The following SALL1 variants were observed in gnomAD, a reference collection of about 807,000 sequenced individuals.
SALL1 encodes spalt like transcription factor 1, also known as sal-like protein 1.
Under a neutral mutation model 73.1 loss-of-function variants are expected in SALL1, and 10 were observed. The observed-to-expected ratio is 0.14, with a 90% CI of 0.08 to 0.23. The LOEUF is 0.23. Ranked by LOEUF, SALL1 falls within the 10% of genes least tolerant of loss-of-function variation. The probability of loss-of-function intolerance (pLI) is 1.00; values close to 1 mark genes in which losing one functional copy is unlikely to be tolerated. For missense variants in SALL1, 1,520 were observed against 1,697.3 expected (o/e 0.90, Z 1.84); for synonymous variants, 688 against 689.8 (o/e 1.00, Z 0.04).
At position 51,137,421 on chromosome 16, in the gene SALL1, C is replaced by G; in HGVS notation, c.3666G>C (p.Ala1222=). Residue 1222 remains alanine, a synonymous_variant, in exon 3 of 3, where the codon GCG becomes GCC. Coordinates refer to ENST00000251020, the MANE Select transcript of SALL1 (RefSeq NM_002968.3). Reference sequence around the variant, plus strand: ...AAGGATCCCCACTTCCTGATCTTGCCGCCAAATCCTTCTGGAACATTTCTG... The same window carrying G: ...AAGGATCCCCACTTCCTGATCTTGCGGCCAAATCCTTCTGGAACATTTCTG... ...KFPEMFQKDL[A]ARSGSGDPSS... 1.9e-6 allele frequency: 3 copies of G among 1,614,104 alleles called. No individual in the cohort carries two copies. Among genetic ancestry groups the G allele is most frequent in the South Asian group, 1.1e-5 (1 of 91,078 alleles).
rs1567316520 is a variant in SALL1, at chr16:51,141,749, CTGCTGCT to C, written c.466_472del (p.Ser156AlafsTer25). On this transcript the variant is annotated frameshift_variant, in exon 2 of 3. Transcript: ENST00000251020. LOFTEE classifies it high-confidence loss of function. This position sits in a 1 kb window ranked among gnomAD's most constrained non-coding sequence, Gnocchi z 5.4. Reference sequence around the variant, plus strand: ...GGAGGAGCTGCCGCCGCCGCCGCTGCTGCTGCTGCTGCTGCTGCTGCTGCTTGGGGCG... The same window carrying C: ...GGAGGAGCTGCCGCCGCCGCCGCTGCGCTGCTGCTGCTGCTGCTTGGGGCG... 2.1e-5 allele frequency: 33 copies of C among 1,587,438 alleles called. No homozygotes were observed. Among genetic ancestry groups the C allele is most frequent in the Non-Finnish European group, 2.9e-5 (33 of 1,157,454 alleles).
chr16:51,141,992 T>G lies in SALL1; in HGVS notation c.230A>C (p.Asn77Thr). 6.2e-7 allele frequency: 1 copy of G among 1,614,018 alleles called. No homozygotes were observed. Among genetic ancestry groups the G allele is most frequent in the Non-Finnish European group, 8.5e-7 (1 of 1,180,028 alleles). Residue 77 changes from asparagine (N) to threonine (T), a missense_variant, in exon 2 of 3, where the codon AAT becomes ACT. By Grantham distance (65) the Asn-to-Thr change is moderately conservative. Coordinates refer to ENST00000251020, the MANE Select transcript of SALL1 (RefSeq NM_002968.3). This position sits in a 1 kb window ranked among gnomAD's most constrained non-coding sequence, Gnocchi z 5.4. The part of the protein sequence containing the change: ...KNQLVLIVNE[N>T]PASPPETFSP... ...GAAGGTTTCGGGTGGGGAGGCTGGA[T>G]TTTCATTTACGATTAAAACTAATTG...
chr16:51,137,052 A>C lies in SALL1; in HGVS notation c.*60T>G. ...GGCGGGGTGGGGGGCAAGGAGTAGG[A>C]GGCCACCATAGGTCGCATTCTGAAC... On this transcript the variant is annotated 3_prime_UTR_variant, in exon 3 of 3. Coordinates refer to ENST00000251020, the MANE Select transcript of SALL1 (RefSeq NM_002968.3). 1 of 1,539,488 alleles carries C rather than the reference A, an allele frequency of 6.5e-7. No individual in the cohort carries two copies. Among genetic ancestry groups the C allele is most frequent in the Non-Finnish European group, 8.9e-7 (1 of 1,117,542 alleles).
rs1962321396 is a variant in SALL1 at position 51,137,272 on chromosome 16, C to G, written c.3815G>C (p.Ser1272Thr). ...PIPGSLGSGN[S>T]SPVSGLTGNL... ...TCCCGTCAGCCCACTAACAGGTGAG[C>G]TGTTCCCACTGCCGAGGCTTCCAGG... Residue 1272 changes from serine (S) to threonine (T), a missense_variant, in exon 3 of 3, where the codon AGC becomes ACC. Physicochemically the swap from Ser to Thr is moderately conservative, Grantham distance 58. Transcript: ENST00000251020. 1.2e-6 allele frequency: 2 copies of G among 1,614,124 alleles called. No homozygotes were observed. The highest frequency in any genetic ancestry group is 1.7e-6 in the Non-Finnish European group (2 of 1,180,026).
Position 51,140,943 on chromosome 16 carries a change from T to C in SALL1, c.1279A>G (p.Lys427Glu). ...GCAGTGACATTTGGTGGCTTGCTTT[T>C]TCTTTGCTGGGCCAAGGCAGACAAG... ...NSLSALAQQR[K>E]SKPPNVTAFE... Residue 427 changes from lysine (K) to glutamate (E), a missense_variant, in exon 2 of 3, where the codon AAA (lysine) becomes GAA (glutamate). By Grantham distance (56) the Lys-to-Glu change is moderately conservative. This residue lies in a region of SALL1 where 540 missense variants were observed against 567.5 expected (regional missense o/e 0.95). Coordinates refer to ENST00000251020, the MANE Select transcript of SALL1 (RefSeq NM_002968.3). The surrounding 1 kb of genome is among the most constrained non-coding windows in gnomAD (Gnocchi z 5.7). 6.2e-7 allele frequency: 1 copy of C among 1,614,248 alleles called. No individual in the cohort carries two copies. The highest frequency in any genetic ancestry group is 8.5e-7 in the Non-Finnish European group (1 of 1,180,050).
At chr16:51,142,731 C>T (rs1024678633) in intron 1 of SALL1, among the ~76,000 whole-genome samples, 2 of 152,180 alleles carry the variant, frequency 1.3e-5, no homozygotes, top group African/African-American at 4.8e-5. Context: ...GACAAACGCA[C>T]TTTAGTCACA....
In SALL1 at chr16:51,140,317, C is replaced by T. The variant is rs781104798; in HGVS notation, c.1905G>A (p.Pro635=). 6.8e-6 allele frequency: 11 copies of T among 1,614,092 alleles called. No individual in the cohort carries two copies. Among genetic ancestry groups the T allele is most frequent in the South Asian group, 3.3e-5 (3 of 91,078 alleles). ...AGCTCAGGACGCTACTGCTCGCCGT[C>T]GGGACTGAGTTGGTGACCATGCCAC... ...EESGMVTNSV[P]TASSSVLSSP... Residue 635 remains proline, a synonymous_variant, in exon 2 of 3, where the codon CCG becomes CCA. Coordinates refer to ENST00000251020, the MANE Select transcript of SALL1 (RefSeq NM_002968.3). This position sits in a 1 kb window ranked among gnomAD's most constrained non-coding sequence, Gnocchi z 5.7.
chr16:51,140,934 G>A lies in SALL1; in HGVS notation c.1288C>T (p.Pro430Ser), dbSNP rs751695425. The A allele has an allele frequency of 1.2e-6, 2 of 1,614,250 alleles. No homozygotes were observed. Among genetic ancestry groups the A allele is most frequent in the Non-Finnish European group, 1.7e-6 (2 of 1,180,052 alleles). The part of the protein sequence containing the change: ...SALAQQRKSK[P>S]PNVTAFEAKS... ...GCTTCAAAGGCAGTGACATTTGGTG[G>A]CTTGCTTTTTCTTTGCTGGGCCAAG... The change falls in exon 2 of 3, where the codon CCA becomes TCA. Residue 430 changes from proline (P) to serine (S), a missense_variant. Around this residue, in one of 7 missense-constraint regions of SALL1, gnomAD observed 540 missense variants for 567.5 expected, o/e 0.95. Coordinates refer to ENST00000251020, the MANE Select transcript of SALL1 (RefSeq NM_002968.3). This position sits in a 1 kb window ranked among gnomAD's most constrained non-coding sequence, Gnocchi z 5.7.
intron 2 of SALL1, 45 bp from the exon 3 acceptor site, chr16:51,137,597 A>AG (rs767839010): frequency 1.1e-5 from 16 of 1,462,530 alleles, no homozygotes; most frequent in South Asian, 2.3e-5. Context: ...AGAGAGAGAG[A>AG]AAAAAAAGAG....
Position 51,142,141 on chromosome 16 carries a change from G to A in SALL1, c.81C>T (p.Asp27=), listed in dbSNP as rs747068970. ...EVASLPRRDG[D]TEKGQPSRPT... The stretch of plus-strand genomic sequence containing the variant: ...GGCGACTCGGTTGACCCTTTTCTGT[G>A]TCTCCTACAAATGTCAAAAAGGTGC... The change falls in exon 2 of 3, where the codon GAC becomes GAT. Residue 27 remains aspartate (D), a synonymous_variant. Transcript: ENST00000251020. 42 of 1,611,260 alleles carry A rather than the reference G, an allele frequency of 2.6e-5. No homozygotes were observed. Among genetic ancestry groups the A allele is most frequent in the Non-Finnish European group, 3.5e-5 (41 of 1,178,948 alleles).
At chr16:51,137,921 G>T (rs1466028796) in intron 2 of SALL1, among the ~76,000 whole-genome samples, 4 of 152,166 alleles carry the variant, frequency 2.6e-5, no homozygotes, top group Non-Finnish European at 5.9e-5. Flanking sequence ...CATTGCAATG[G>T]TAAGTATTGT....
Position 51,136,437 on chromosome 16 carries a change from C to T in SALL1, c.*675G>A, listed in dbSNP as rs1338234280. The T allele has an allele frequency of 1.3e-5, 2 of 152,594 alleles. No individual in the cohort carries two copies. The highest frequency in any genetic ancestry group is 4.8e-5 in the African/African-American group (2 of 41,416). The allele number at this position is 152,594 out of a possible 1,614,324, so 9.5% of individuals were successfully genotyped here. A position where few individuals can be genotyped will look rare whatever the true frequency, so the allele number is the denominator to read the frequency against. ...TCTAAAGAATTCTGCGTGCTTATTA[C>T]TGTACAGAAACTTATTAACATTGAA... On this transcript the variant is annotated 3_prime_UTR_variant, in exon 3 of 3. Coordinates refer to ENST00000251020, the MANE Select transcript of SALL1 (RefSeq NM_002968.3).
chr16:51,142,936 T>TA (rs1162593799), intron 1 of SALL1, among the ~76,000 whole-genome samples: 1 of 152,206 alleles, frequency 6.6e-6, no homozygotes, highest in African/African-American at 2.4e-5. Flanking sequence ...TCAAAGAATA[T>TA]ATGCCACCAT....
intron 1 of SALL1, among the ~76,000 whole-genome samples, chr16:51,146,000 CTTTTT>C (rs11306057): frequency 8.4e-6 from 1 of 118,496 alleles, no homozygotes; most frequent in Non-Finnish European, 1.8e-5. Flanking sequence ...TTTTCTTTTT[CTTTTT>C]TTTTTTTTCT....
intron 1 of SALL1, among the ~76,000 whole-genome samples, chr16:51,145,534 G>A (rs868282174): frequency 6.6e-6 from 1 of 151,986 alleles, no homozygotes; most frequent in Admixed American, 6.6e-5. Context: ...TTGGGGGGGC[G>A]GGAAGAGTGA....
Position 51,138,858 on chromosome 16 carries a change from G to C in SALL1, c.3364C>G (p.Leu1122Val). The C allele has an allele frequency of 6.2e-7, 1 of 1,614,248 alleles. No individual in the cohort carries two copies. The highest frequency in any genetic ancestry group is 1.6e-4 in the Middle Eastern group (1 of 6,062). The stretch of plus-strand genomic sequence containing the variant: ...GTTCTCCTGGGCAGAGCAGGGAGCA[G>C]AACTGGGGATGTGGCAGAGGAAGAC... ...PLSSSATSPVLLPALPRRTPK... is the reference protein window; with the variant it reads ...PLSSSATSPVVLPALPRRTPK... Residue 1122 changes from leucine to valine, a missense_variant, in exon 2 of 3, where the codon CTG (leucine) becomes GTG (valine). Leu to Val is a conservative substitution (Grantham distance 32). Around this residue, in one of 7 missense-constraint regions of SALL1, gnomAD observed 318 missense variants for 357.1 expected, o/e 0.89. Transcript: ENST00000251020.
At chr16:51,151,772 G>A (rs1409013526), upstream of SALL1, among the ~76,000 whole-genome samples, 1 of 150,196 alleles carries the variant, frequency 6.7e-6, no homozygotes. Flanking sequence ...GGGCTGGGCC[G>A]ACCCAAATTA....
At chr16:51,143,381 A>G (rs1269846798) in intron 1 of SALL1, 1 of 424,404 alleles carries the variant, frequency 2.4e-6, no homozygotes. Flanking sequence ...CTTCTGTTGT[A>G]CAAATGGTGT....
Position 51,137,113 on chromosome 16 carries a change from T to C in SALL1, c.3974A>G (p.Ter1325=). 6.2e-7 allele frequency: 1 copy of C among 1,614,168 alleles called. No homozygotes were observed. Among genetic ancestry groups the C allele is most frequent in the Non-Finnish European group, 8.5e-7 (1 of 1,180,036 alleles). The change falls in exon 3 of 3, where the codon TAA becomes TGA. Residue 1325 remains the stop codon, a stop_retained_variant. Coordinates refer to ENST00000251020, the MANE Select transcript of SALL1 (RefSeq NM_002968.3). ...VEDSKEIVTS[*] ...GCTATGTCTCCAGCCCGAGCTGCTTTAACTCGTGACGATCTCCTTGCTGTC... is the reference window on the plus strand; with the variant it reads ...GCTATGTCTCCAGCCCGAGCTGCTTCAACTCGTGACGATCTCCTTGCTGTC...
Sources: gnomAD v4.1 joint callset for allele counts (sites outside exome capture counted in the v4.1 genomes callset) on GRCh38, gnomAD v4.1.1 for gene constraint, gnomAD v4.1.1 regional missense constraint, Gnocchi (gnomAD v3.1) non-coding constraint, MANE v1.5 for transcripts, NCBI Gene and HGNC (gene_info 2026-07-23, HGNC 2026-07-21) for gene names.